The following CCDC13 variants were observed in gnomAD, a reference collection of about 807,000 sequenced individuals.
CCDC13 encodes coiled-coil domain-containing protein 13.
In CCDC13, 70 loss-of-function variants were observed where a neutral mutation model predicts 87.3. That is an observed-to-expected ratio of 0.80 (90% CI 0.66 to 0.98). CCDC13 has a LOEUF of 0.98. Among genes scored for constraint, CCDC13 ranks in the 50% least tolerant of loss-of-function variants. The pLI, the probability that CCDC13 is intolerant of heterozygous loss-of-function variation, is 0.00. For missense variants in CCDC13, 842 were observed against 892.0 expected (o/e 0.94, Z 0.71); for synonymous variants, 317 against 360.3 (o/e 0.88, Z 1.36).
intron 1 of CCDC13, among the ~76,000 whole-genome samples, chr3:42,767,162 A>T (rs1699947753): frequency 6.7e-6 from 1 of 148,668 alleles, no homozygotes; most frequent in African/African-American, 2.5e-5. Context: ...AATCTCAAAG[A>T]ATCTATTAAA....
chr3:42,760,964 C>G (rs904896224), intron 1 of CCDC13, among the ~76,000 whole-genome samples: 1 of 152,052 alleles, frequency 6.6e-6, no homozygotes, highest in Admixed American at 6.6e-5. Context: ...TTAGACAATA[C>G]AATTTACAGT....
At chr3:42,752,794 C>T (rs1699619522) in intron 3 of CCDC13, 77 bp from the exon 4 acceptor site, 3 of 1,550,844 alleles carry the variant, frequency 1.9e-6, no homozygotes, top group East Asian at 4.5e-5. Flanking sequence ...ACTAACAGCA[C>T]CAGGGTCTTA....
At chr3:42,743,608 C>T (rs1158144781) in intron 7 of CCDC13, among the ~76,000 whole-genome samples, 47 of 99,594 alleles carry the variant, frequency 4.7e-4, no homozygotes, top group East Asian at 1.4e-3. Context: ...TATACACACA[C>T]ACATATATAT....
chr3:42,771,316 C>A (rs1191046189), intron 1 of CCDC13, among the ~76,000 whole-genome samples: 1 of 152,140 alleles, frequency 6.6e-6, no homozygotes, highest in Admixed American at 6.5e-5. Flanking sequence ...TGAAAAATAT[C>A]AGTGGTTTCC....
intron 13 of CCDC13, among the ~76,000 whole-genome samples, chr3:42,718,764 T>C (rs1042323106): frequency 2.0e-5 from 3 of 152,050 alleles, no homozygotes; most frequent in Non-Finnish European, 2.9e-5. Flanking sequence ...TCCAGTAACA[T>C]CTTTCTGGTG....
intron 1 of CCDC13, among the ~76,000 whole-genome samples, chr3:42,759,703 G>A (rs1262334650): frequency 6.6e-6 from 1 of 152,070 alleles, no homozygotes; most frequent in African/African-American, 2.4e-5. Flanking sequence ...ACTTGTTATT[G>A]GACATCTGAG....
At chr3:42,761,569 G>T (rs1303755633) in intron 1 of CCDC13, among the ~76,000 whole-genome samples, 1 of 152,200 alleles carries the variant, frequency 6.6e-6, no homozygotes, top group Non-Finnish European at 1.5e-5. Flanking sequence ...CTGTAGCAGG[G>T]CCTGGTATAT....
chr3:42,769,021 C>T (rs1384146378), intron 1 of CCDC13, among the ~76,000 whole-genome samples: 2 of 151,828 alleles, frequency 1.3e-5, no homozygotes, highest in Non-Finnish European at 2.9e-5. Context: ...GCCTGTAATC[C>T]CAGCTACTCA....
At chr3:42,744,118 A>C (rs1699318356) in intron 7 of CCDC13, among the ~76,000 whole-genome samples, 1 of 152,144 alleles carries the variant, frequency 6.6e-6, no homozygotes, top group African/African-American at 2.4e-5. Flanking sequence ...AGGGACATGG[A>C]ATCTGCATTT....
chr3:42,731,522 A>T (rs1698830733), intron 12 of CCDC13, among the ~76,000 whole-genome samples: 1 of 152,050 alleles, frequency 6.6e-6, no homozygotes, highest in Non-Finnish European at 1.5e-5. Flanking sequence ...GCTTGTTAGA[A>T]ATGCAGAATC....
At chr3:42,756,552 G>A (rs2125908395) in intron 3 of CCDC13, among the ~76,000 whole-genome samples, 1 of 151,344 alleles carries the variant, frequency 6.6e-6, no homozygotes, top group East Asian at 1.9e-4. Context: ...AGCAGCAACA[G>A]CAGGTGCTGT....
Position 42,709,776 on chromosome 3 carries a change from C to G in CCDC13, c.1896G>C (p.Arg632Ser). Residue 632 changes from arginine (R) to serine (S), a missense_variant, in exon 15 of 16, where the codon AGG becomes AGC. Physicochemically the swap from Arg to Ser is moderately radical, Grantham distance 110. Coordinates refer to ENST00000310232, the MANE Select transcript of CCDC13 (RefSeq NM_144719.4). ...TCTTCTCGCTCCCGGTTGGGTTGTGCCTGTTGTTAGAGGTGGGCAGACCTG... is the reference window on the plus strand; with the variant it reads ...TCTTCTCGCTCCCGGTTGGGTTGTGGCTGTTGTTAGAGGTGGGCAGACCTG... ...TKTGLPTSNN[R>S]HNPTGSEKKD... 6.2e-7 allele frequency: 1 copy of G among 1,614,084 alleles called. No individual in the cohort carries two copies. The highest frequency in any genetic ancestry group is 8.5e-7 in the Non-Finnish European group (1 of 1,179,974).
At chr3:42,729,119 T>G (rs1398701456) in intron 13 of CCDC13, among the ~76,000 whole-genome samples, 3 of 152,224 alleles carry the variant, frequency 2.0e-5, no homozygotes, top group Admixed American at 2.0e-4. Context: ...GCACAAACCA[T>G]TGTGTTTGAA....
At chr3:42,770,801 C>G (rs200490125) in intron 1 of CCDC13, 1 of 153,206 alleles carries the variant, frequency 6.5e-6, no homozygotes, top group South Asian at 2.1e-4. Context: ...ACGCACCACC[C>G]TAAGAGCTGT....
intron 10 of CCDC13, 139 bp from the exon 11 acceptor site, chr3:42,733,748 G>A (rs1559645186): frequency 9.9e-7 from 1 of 1,014,400 alleles, no homozygotes; most frequent in African/African-American, 1.6e-5. Flanking sequence ...AGCGAGGCCT[G>A]TTTGGTGAAG....
Position 42,733,625 on chromosome 3 carries a change from T to G in CCDC13, c.1372-16A>C. 12 of 1,586,294 alleles carry G rather than the reference T, an allele frequency of 7.6e-6. No homozygotes were observed. Among genetic ancestry groups the G allele is most frequent in the Non-Finnish European group, 1.0e-5 (12 of 1,165,356 alleles). ...TCCGAAGATACTGTAGGAACAGATG[T>G]GGGTTCCATCCTCAGGGCTTTGGCT... On this transcript the variant is annotated splice_polypyrimidine_tract_variant and intron_variant, in intron 10 of 15. Coordinates refer to ENST00000310232, the MANE Select transcript of CCDC13 (RefSeq NM_144719.4).
rs542572615 is a variant in CCDC13, at chr3:42,718,347, T to C, written c.1719-5031A>G. Among the ~76,000 whole-genome samples, 10 of 152,302 alleles carry C rather than the reference T, an allele frequency of 6.6e-5. No homozygotes were observed. The South Asian group carries it at 1.9e-3, about 28-fold the overall frequency. On this transcript the variant is annotated intron_variant, in intron 13 of 15. Coordinates refer to ENST00000310232, the MANE Select transcript of CCDC13 (RefSeq NM_144719.4). ...GGCAATGCCAGGAAGTTACCCTATA[T>C]GGCCTAGAAAGGGGAGGCATAAATA... is the stretch of plus-strand genomic sequence containing the variant.
chr3:42,753,313 G>T (rs549937567), intron 3 of CCDC13, among the ~76,000 whole-genome samples: 1 of 152,150 alleles, frequency 6.6e-6, no homozygotes, highest in Non-Finnish European at 1.5e-5. Context: ...GGCCTAGATC[G>T]GCCAATCCCC....
intron 1 of CCDC13, chr3:42,771,173 A>C (rs969754618): frequency 6.6e-6 from 1 of 152,244 alleles, no homozygotes; most frequent in Non-Finnish European, 1.5e-5. Flanking sequence ...AAAGAAACCT[A>C]AATGTGTATT....
Sources: gnomAD v4.1 joint callset for allele counts (sites outside exome capture counted in the v4.1 genomes callset) on GRCh38, gnomAD v4.1.1 for gene constraint, MANE v1.5 for transcripts, NCBI Gene and HGNC (gene_info 2026-07-23, HGNC 2026-07-21) for gene names.